Variants in RPH3A observed in about 807,000 individuals in gnomAD.
The protein encoded by RPH3A is rabphilin 3A.
A neutral mutation model predicts 102.2 loss-of-function variants in RPH3A; 48 were observed. The observed-to-expected ratio is 0.47, with a 90% CI of 0.37 to 0.60. RPH3A has a LOEUF of 0.60. Among genes scored for constraint, RPH3A ranks in the 20% least tolerant of loss-of-function variants. The probability of loss-of-function intolerance (pLI) is 0.00; values close to 1 mark genes in which losing one functional copy is unlikely to be tolerated. For missense variants in RPH3A, 781 were observed against 910.1 expected (o/e 0.86, Z 1.83); for synonymous variants, 310 against 324.3 (o/e 0.96, Z 0.47).
intron 2 of RPH3A, among the ~76,000 whole-genome samples, chr12:112,811,083 C>A (rs2041567049): frequency 6.6e-6 from 1 of 152,024 alleles, no homozygotes; most frequent in Non-Finnish European, 1.5e-5. Context: ...AAATACTGAA[C>A]CACATTGCTC....
At chr12:112,598,405 A>C (rs1471496348) in intron 1 of RPH3A, among the ~76,000 whole-genome samples, 1 of 152,204 alleles carries the variant, frequency 6.6e-6, no homozygotes, top group Non-Finnish European at 1.5e-5. Context: ...CGGAATAGGA[A>C]GTAATGTGCT....
At chr12:112,626,932 C>G (rs1408854037) in intron 1 of RPH3A, among the ~76,000 whole-genome samples, 9 of 74,286 alleles carry the variant, frequency 1.2e-4, no homozygotes, top group African/African-American at 4.9e-4. Flanking sequence ...AATTGGAAAC[C>G]ATCATTCTCA....
chr12:112,752,594 CTTT>C (rs35742758), intron 1 of RPH3A, among the ~76,000 whole-genome samples: 31 of 124,930 alleles, frequency 2.5e-4, no homozygotes, highest in African/African-American at 4.9e-4. Flanking sequence ...GCAGGCAAGT[CTTT>C]TTTTTTTTTT....
intron 12 of RPH3A, among the ~76,000 whole-genome samples, chr12:112,876,414 T>C (rs2042798217): frequency 6.6e-6 from 1 of 152,178 alleles, no homozygotes; most frequent in Non-Finnish European, 1.5e-5. Context: ...ACCCAGGCTG[T>C]CTGGGCTCCA....
chr12:112,665,345 T>C (rs2040077033), intron 1 of RPH3A, among the ~76,000 whole-genome samples: 1 of 152,112 alleles, frequency 6.6e-6, no homozygotes. Context: ...TTAGAAACAA[T>C]CCAACCCTAT....
intron 5 of RPH3A, among the ~76,000 whole-genome samples, chr12:112,852,744 G>T (rs1307842364): frequency 2.0e-5 from 3 of 152,138 alleles, no homozygotes; most frequent in South Asian, 2.1e-4. Context: ...CCACACCTAG[G>T]TTACTCACAG....
chr12:112,768,233 C>T (rs1820792625), intron 1 of RPH3A, among the ~76,000 whole-genome samples: 1 of 152,072 alleles, frequency 6.6e-6, no homozygotes, highest in Non-Finnish European at 1.5e-5. Context: ...TCAATGGTTC[C>T]CCCTCCTCTC....
intron 1 of RPH3A, among the ~76,000 whole-genome samples, chr12:112,609,438 T>C (rs1008155048): frequency 6.6e-6 from 1 of 152,220 alleles, no homozygotes; most frequent in African/African-American, 2.4e-5. Context: ...GTGAAATCTC[T>C]AGGTCTTTGC....
At chr12:112,682,351 CTTTCTTT>C (rs929391415) in intron 1 of RPH3A, among the ~76,000 whole-genome samples, 3 of 77,684 alleles carry the variant, frequency 3.9e-5, no homozygotes, top group African/African-American at 5.7e-5. Flanking sequence ...TTTTTTCTTT[CTTTCTTT>C]TTTTTTTTTT....
intron 1 of RPH3A, among the ~76,000 whole-genome samples, chr12:112,620,157 C>T (rs968674294): frequency 5.9e-5 from 9 of 152,128 alleles, no homozygotes; most frequent in Admixed American, 1.3e-4. Context: ...ATAATGTTTC[C>T]CAGTAGTTCC....
At chr12:112,658,846 T>C (rs2040031363) in intron 1 of RPH3A, among the ~76,000 whole-genome samples, 1 of 152,228 alleles carries the variant, frequency 6.6e-6, no homozygotes, top group Non-Finnish European at 1.5e-5. Context: ...GATTGCCAGA[T>C]TAATTGACCT....
chr12:112,597,027 G>T (rs995848557), intron 1 of RPH3A, among the ~76,000 whole-genome samples: 1 of 152,148 alleles, frequency 6.6e-6, no homozygotes, highest in Non-Finnish European at 1.5e-5. Context: ...TGTTGCTAGT[G>T]CAGTATACCA....
At chr12:112,822,184 G>A (rs1174584611) in intron 2 of RPH3A, among the ~76,000 whole-genome samples, 2 of 152,254 alleles carry the variant, frequency 1.3e-5, no homozygotes, top group African/African-American at 4.8e-5. Flanking sequence ...AAGAGATCAA[G>A]AGATGGAACT....
intron 1 of RPH3A, among the ~76,000 whole-genome samples, chr12:112,693,676 C>T (rs550546598): frequency 6.6e-6 from 1 of 152,184 alleles, no homozygotes; most frequent in East Asian, 1.9e-4. Flanking sequence ...CTGGCTCCTT[C>T]TGAGCTTCTG....
chr12:112,836,445 A>G, intron 3 of RPH3A, 46 bp from the exon 4 acceptor site: 1 of 1,227,634 alleles, frequency 8.1e-7, no homozygotes, highest in Non-Finnish European at 1.1e-6. Flanking sequence ...TTTCTTACCT[A>G]ACTTTATTCA....
chr12:112,654,647 A>AC (rs1002405879), intron 1 of RPH3A, among the ~76,000 whole-genome samples: 1 of 151,860 alleles, frequency 6.6e-6, no homozygotes, highest in African/African-American at 2.4e-5. Flanking sequence ...TGGTGACATC[A>AC]CCCCAAGCCT....
chr12:112,621,349 G>GCGCAC (rs2039722360), intron 1 of RPH3A, among the ~76,000 whole-genome samples: 2 of 149,900 alleles, frequency 1.3e-5, no homozygotes, highest in South Asian at 4.3e-4. Flanking sequence ...CAGTGGGTGC[G>GCGCAC]CGCACCGTGC....
intron 1 of RPH3A, among the ~76,000 whole-genome samples, chr12:112,614,131 C>A (rs906588069): frequency 6.6e-6 from 1 of 152,166 alleles, no homozygotes; most frequent in African/African-American, 2.4e-5. Flanking sequence ...GCTCCCCTGG[C>A]ACCTTGACTT....
intron 1 of RPH3A, among the ~76,000 whole-genome samples, chr12:112,620,190 C>G (rs1017835109): frequency 1.3e-5 from 2 of 152,220 alleles, no homozygotes; most frequent in East Asian, 3.8e-4. Flanking sequence ...GAGATTCACT[C>G]TGATTGGCTT....
Sources: allele counts gnomAD v4.1 joint callset (sites outside exome capture counted in the v4.1 genomes callset), GRCh38; gene constraint gnomAD v4.1.1; transcripts MANE v1.5; gene names NCBI Gene and HGNC (gene_info 2026-07-23, HGNC 2026-07-21).